GLIS1: variants seen among roughly 807,000 people sequenced by gnomAD.
The protein encoded by GLIS1 is GLIS family zinc finger 1, also known as zinc finger protein GLIS1.
In GLIS1, 24 loss-of-function variants were observed where a neutral mutation model predicts 63.8. The ratio of observed to expected loss-of-function variants is 0.38; its 90% CI spans 0.27 to 0.53. The LOEUF is 0.53. Among genes scored for constraint, GLIS1 ranks in the 20% least tolerant of loss-of-function variants. The pLI is 0.85. For missense variants in GLIS1, 1,036 were observed against 1,074.1 expected (o/e 0.96, Z 0.50); for synonymous variants, 450 against 482.5 (o/e 0.93, Z 0.88).
chr1:53,592,193 C>T (rs372770380), intron 4 of GLIS1, among the ~76,000 whole-genome samples: 14 of 152,190 alleles, frequency 9.2e-5, no homozygotes, highest in African/African-American at 3.4e-4. Context: ...AACCCAGGCC[C>T]CTCTGACCCC....
chr1:53,712,206 T>G (rs1443723262), intron 2 of GLIS1, among the ~76,000 whole-genome samples: 1 of 152,218 alleles, frequency 6.6e-6, no homozygotes, highest in East Asian at 1.9e-4. Context: ...AGACAGTCTT[T>G]GCCTAAAGCA....
In GLIS1 at chr1:53,728,504, C is replaced by T. The variant is rs561743174; in HGVS notation, c.259+9302G>A. Among the ~76,000 whole-genome samples, 26 of 152,228 alleles carry T rather than the reference C, an allele frequency of 1.7e-4. No homozygotes were observed. The South Asian group carries it at 5.2e-3, about 30-fold the overall frequency. On this transcript the variant is annotated intron_variant, in intron 2 of 10. Transcript: ENST00000628545. ...AGACCCAAAAAGCTCCCTAACTTGC[C>T]AAGGTCCCCAAGTTAGTACACAGAG...
intron 2 of GLIS1, among the ~76,000 whole-genome samples, chr1:53,731,709 C>T (rs1205524503): frequency 2.6e-5 from 4 of 152,192 alleles, no homozygotes; most frequent in South Asian, 2.1e-4. Flanking sequence ...AATGTGATCA[C>T]GTCTCTAAAG....
intron 2 of GLIS1, among the ~76,000 whole-genome samples, chr1:53,653,372 AG>A (rs568244933): frequency 7.5e-4 from 114 of 152,168 alleles, no homozygotes; most frequent in African/African-American, 2.5e-3. Flanking sequence ...CAGTCCTCTC[AG>A]GGCCCCCAGT....
intron 2 of GLIS1, among the ~76,000 whole-genome samples, chr1:53,661,602 C>T (rs1430786274): frequency 6.6e-6 from 1 of 152,114 alleles, no homozygotes; most frequent in African/African-American, 2.4e-5. Context: ...GCTGAAGGAC[C>T]CTGAAGGCCT....
chr1:53,551,654 G>A (rs1644760775), intron 4 of GLIS1, among the ~76,000 whole-genome samples: 1 of 45,298 alleles, frequency 2.2e-5, no homozygotes. Context: ...TGCAGAGCAT[G>A]CTGGCAGTCC....
In GLIS1 at chr1:53,639,922, G is replaced by A. The variant is rs548259501; in HGVS notation, c.260-39644C>T. ...TGGGTTCAAATCCCAAGTCTGATAC[G>A]TCACTGAGCCTCAGTTTATACTTCC... On this transcript the variant is annotated intron_variant, in intron 2 of 10. Coordinates refer to ENST00000628545, the MANE Select transcript of GLIS1 (RefSeq NM_001367484.1). This position sits in a 1 kb window ranked among gnomAD's most constrained non-coding sequence, Gnocchi z 4.6. Among the ~76,000 whole-genome samples the A allele has an allele frequency of 5.9e-5, 9 of 152,244 alleles. No homozygotes were observed. Among genetic ancestry groups the A allele is most frequent in the Admixed American group, 3.3e-4 (5 of 15,302 alleles).
chr1:53,607,954 C>G (rs1645388008), intron 2 of GLIS1, among the ~76,000 whole-genome samples: 2 of 92,754 alleles, frequency 2.2e-5, no homozygotes, highest in South Asian at 8.0e-4. Flanking sequence ...TCTCTGATGT[C>G]TCTCTTTTTT....
At chr1:53,679,987 G>A (rs1288057738) in intron 2 of GLIS1, among the ~76,000 whole-genome samples, 1 of 152,106 alleles carries the variant, frequency 6.6e-6, no homozygotes, top group Non-Finnish European at 1.5e-5. Flanking sequence ...AGCAGTAATG[G>A]AGACCCCTGT....
At chr1:53,507,322 A>G (rs1297560830) in intron 10 of GLIS1, among the ~76,000 whole-genome samples, 1 of 152,216 alleles carries the variant, frequency 6.6e-6, no homozygotes, top group Non-Finnish European at 1.5e-5. Context: ...CTGAGAAGGC[A>G]GGCACAGAGG....
chr1:53,522,664 T>G (rs577401880), intron 6 of GLIS1, among the ~76,000 whole-genome samples: 3 of 152,132 alleles, frequency 2.0e-5, no homozygotes, highest in Non-Finnish European at 4.4e-5. Context: ...ATCCCCACAT[T>G]TTGGGAGGCC....
chr1:53,662,576 G>T (rs1425329052), intron 2 of GLIS1, among the ~76,000 whole-genome samples: 1 of 152,062 alleles, frequency 6.6e-6, no homozygotes, highest in Non-Finnish European at 1.5e-5. Context: ...CATCACATGT[G>T]GGCCGTCAGC....
In GLIS1 at chr1:53,632,525, C is replaced by T. The variant is rs144098287; in HGVS notation, c.260-32247G>A. Reference sequence around the variant, plus strand: ...TGACTGAGGGGTGTAATGTGTGTGACGGGCATGTGAATGTGACTGAGGGAC... The same window carrying T: ...TGACTGAGGGGTGTAATGTGTGTGATGGGCATGTGAATGTGACTGAGGGAC... On this transcript the variant is annotated intron_variant, in intron 2 of 10. Coordinates refer to ENST00000628545, the MANE Select transcript of GLIS1 (RefSeq NM_001367484.1). Among the ~76,000 whole-genome samples, 822 of 122,260 alleles carry T rather than the reference C, an allele frequency of 6.7e-3. 9 individuals carry two copies. Among genetic ancestry groups the T allele is most frequent in the Non-Finnish European group, 0.01 (628 of 60,094 alleles). 80.2% of individuals were successfully genotyped at this position (122,260 alleles called of 152,430 possible). A position where few individuals can be genotyped will look rare whatever the true frequency, so the allele number is the denominator to read the frequency against.
intron 2 of GLIS1, among the ~76,000 whole-genome samples, chr1:53,662,899 T>C (rs1365821372): frequency 6.6e-6 from 1 of 152,194 alleles, no homozygotes; most frequent in Non-Finnish European, 1.5e-5. Flanking sequence ...GCAAACACTG[T>C]ACACCCCCAT....
chr1:53,540,137 T>G (rs537844913), intron 4 of GLIS1, among the ~76,000 whole-genome samples: 1 of 152,126 alleles, frequency 6.6e-6, no homozygotes, highest in East Asian at 1.9e-4. Flanking sequence ...CACACACTCC[T>G]CTCAGAGCTC....
intron 4 of GLIS1, among the ~76,000 whole-genome samples, chr1:53,540,762 T>C (rs1260679610): frequency 1.3e-5 from 2 of 152,126 alleles, no homozygotes; most frequent in Non-Finnish European, 2.9e-5. Context: ...AGTGGGGCGA[T>C]GGTACAGGTG....
At chr1:53,703,321 C>T (rs905231193) in intron 2 of GLIS1, among the ~76,000 whole-genome samples, 3 of 152,036 alleles carry the variant, frequency 2.0e-5, no homozygotes, top group African/African-American at 7.2e-5. Flanking sequence ...TGGTACAGGC[C>T]CTGGCACCTA....
At chr1:53,626,779 C>A (rs755657595) in intron 2 of GLIS1, among the ~76,000 whole-genome samples, 8 of 152,328 alleles carry the variant, frequency 5.3e-5, no homozygotes, top group Non-Finnish European at 1.2e-4. Flanking sequence ...GAGGTGCAGA[C>A]CCCAGGGTCC....
At chr1:53,565,047 G>A (rs1430817750) in intron 4 of GLIS1, among the ~76,000 whole-genome samples, 2 of 151,918 alleles carry the variant, frequency 1.3e-5, no homozygotes, top group African/African-American at 2.4e-5. Flanking sequence ...TATAAATAAT[G>A]TTCTCCAATT....
Sources: allele counts gnomAD v4.1 joint callset (sites outside exome capture counted in the v4.1 genomes callset), GRCh38; gene constraint gnomAD v4.1.1; non-coding constraint Gnocchi (gnomAD v3.1); transcripts MANE v1.5; gene names NCBI Gene and HGNC (gene_info 2026-07-23, HGNC 2026-07-21).